The following SEMA3F variants were observed in gnomAD, a reference collection of about 807,000 sequenced individuals.
SEMA3F encodes semaphorin 3F.
A neutral mutation model predicts 98.5 loss-of-function variants in SEMA3F; 30 were observed. The ratio of observed to expected loss-of-function variants is 0.30; its 90% confidence interval spans 0.23 to 0.41. The LOEUF (loss-of-function observed/expected upper bound fraction) is 0.41. SEMA3F is among the 10% of genes least tolerant of loss of function. The pLI is 1.00. For missense variants in SEMA3F, 866 were observed against 1,119.3 expected (o/e 0.77, Z 3.23); for synonymous variants, 380 against 444.8 (o/e 0.85, Z 1.83).
At position 50,156,277 on chromosome 3, in the gene SEMA3F, G is replaced by C. The variant is rs1273083708; in HGVS notation, c.-49+713G>C. On this transcript the variant is annotated intron_variant, in intron 1 of 18. Coordinates refer to ENST00000002829, the MANE Select transcript of SEMA3F (RefSeq NM_004186.5). The surrounding 1 kb of genome is among the most constrained non-coding windows in gnomAD (Gnocchi z 4.5). ...GGCAGGGGACAGCGGGGGCTTGGCGGGGTTGCCCCCAGCAGATGGGACAGG... is the reference window on the plus strand; with the variant it reads ...GGCAGGGGACAGCGGGGGCTTGGCGCGGTTGCCCCCAGCAGATGGGACAGG... 1.3e-5 allele frequency among the ~76,000 whole-genome samples: 2 copies of C among 152,218 alleles called. No individual in the cohort carries two copies. The highest frequency in any genetic ancestry group is 4.8e-5 in the African/African-American group (2 of 41,452).
intron 2 of SEMA3F, 132 bp from the exon 3 acceptor site, chr3:50,173,661 G>A: frequency 1.4e-6 from 1 of 706,314 alleles, no homozygotes; most frequent in Admixed American, 2.9e-5. Flanking sequence ...AAAAAAGAAA[G>A]AAAGAAAAAA....
In SEMA3F at chr3:50,188,112, A is replaced by T. The variant is rs1699305087; in HGVS notation, c.2355A>T (p.Thr785=). ...ACCGCCGGCACCACCCTCCGGACAC[A>T]TGAGGCCAGCTGCCTGTGCCTGCCA... The part of the protein sequence containing the change: ...PRNRRHHPPD[T] Residue 785 remains threonine, a synonymous_variant, in exon 19 of 19, where the codon ACA becomes ACT. Coordinates refer to ENST00000002829, the MANE Select transcript of SEMA3F (RefSeq NM_004186.5). The surrounding 1 kb of genome is among the most constrained non-coding windows in gnomAD (Gnocchi z 4.5). 6.7e-7 allele frequency: 1 copy of T among 1,498,874 alleles called. No homozygotes were observed. Among genetic ancestry groups the T allele is most frequent in the Non-Finnish European group, 8.9e-7 (1 of 1,125,734 alleles). 92.8% of individuals were successfully genotyped at this position (1,498,874 alleles called of 1,614,324 possible).
intron 2 of SEMA3F, among the ~76,000 whole-genome samples, chr3:50,164,552 A>G (rs1261794508): frequency 6.6e-6 from 1 of 151,886 alleles, no homozygotes; most frequent in African/African-American, 2.4e-5. Flanking sequence ...CTCCTGGGAG[A>G]CCTCCATCTC....
rs924553585 is a variant in SEMA3F at position 50,155,516 on chromosome 3, C to T, written c.-97C>T. 4 of 321,354 alleles carry T rather than the reference C, an allele frequency of 1.2e-5. No homozygotes were observed. The highest frequency in any genetic ancestry group is 2.3e-5 in the Non-Finnish European group (4 of 176,636). 19.9% of individuals were successfully genotyped at this position (321,354 alleles called of 1,614,324 possible). On this transcript the variant is annotated 5_prime_UTR_variant, in exon 1 of 19. Transcript: ENST00000002829. This position sits in a 1 kb window ranked among gnomAD's most constrained non-coding sequence, Gnocchi z 4.9. ...CGGACCGGCCCAACGGGAGCCGCTC[C>T]GTGCCGCCGCCGCCGCCCGGGCGCC...
chr3:50,183,034 G>T lies in SEMA3F; in HGVS notation c.1018+16G>T, dbSNP rs1699074526. On this transcript the variant is annotated intron_variant, in intron 10 of 18. Coordinates refer to ENST00000002829, the MANE Select transcript of SEMA3F (RefSeq NM_004186.5). ...GATGAGCTCCGTGAGTGCCCAGCAGGCAGGCAGGGTGCTCTGGCTACAGCA... is the reference window on the plus strand; with the variant it reads ...GATGAGCTCCGTGAGTGCCCAGCAGTCAGGCAGGGTGCTCTGGCTACAGCA... 3 of 1,607,514 alleles carry T rather than the reference G, an allele frequency of 1.9e-6. No individual in the cohort carries two copies. In the East Asian group the frequency reaches 6.7e-5, roughly 36 times the overall value.
chr3:50,174,042 C>A lies in SEMA3F; in HGVS notation c.274-10C>A. On this transcript the variant is annotated splice_polypyrimidine_tract_variant and intron_variant, in intron 3 of 18. Coordinates refer to ENST00000002829, the MANE Select transcript of SEMA3F (RefSeq NM_004186.5). ...CAGAAGGCTGCACCTTCTGACCCCC[C>A]TCTCTGCAGATACACTGGGCAGCCT... 1 of 1,614,100 alleles carries A rather than the reference C, an allele frequency of 6.2e-7. No individual in the cohort carries two copies. Among genetic ancestry groups the A allele is most frequent in the East Asian group, 2.2e-5 (1 of 44,886 alleles).
Position 50,155,479 on chromosome 3 carries a change from G to A in SEMA3F, c.-134G>A, listed in dbSNP as rs1426206098. 2 of 313,614 alleles carry A rather than the reference G, an allele frequency of 6.4e-6. No individual in the cohort carries two copies. Among genetic ancestry groups the A allele is most frequent in the Non-Finnish European group, 1.2e-5 (2 of 172,462 alleles). The allele number at this position is 313,614 out of a possible 1,614,324, so 19.4% of individuals were successfully genotyped here. ...TCGCGGGCAGGGCCATGGCCCCGGG[G>A]GGCCGCTAGCGCGGACCGGCCCAAC... On this transcript the variant is annotated 5_prime_UTR_variant, in exon 1 of 19. Coordinates refer to ENST00000002829, the MANE Select transcript of SEMA3F (RefSeq NM_004186.5). This position sits in a 1 kb window ranked among gnomAD's most constrained non-coding sequence, Gnocchi z 4.9.
intron 2 of SEMA3F, chr3:50,173,565 C>T: frequency 1.8e-6 from 1 of 544,342 alleles, no homozygotes; most frequent in Non-Finnish European, 3.3e-6. Context: ...TCGCTTGAAC[C>T]CAGCAGATGG....
intron 2 of SEMA3F, among the ~76,000 whole-genome samples, chr3:50,163,655 G>C (rs1304749204): frequency 3.3e-5 from 5 of 152,242 alleles, no homozygotes; most frequent in Non-Finnish European, 7.3e-5. Context: ...GGGCTGGAGA[G>C]CTAGAGGACA....
At position 50,182,565 on chromosome 3, in the gene SEMA3F, C is replaced by G; in HGVS notation, c.764-79C>G. 23 of 1,585,420 alleles carry G rather than the reference C, an allele frequency of 1.5e-5. No individual in the cohort carries two copies. The highest frequency in any genetic ancestry group is 2.0e-5 in the Non-Finnish European group (23 of 1,161,582). The stretch of plus-strand genomic sequence containing the variant: ...AGAGGAGTTGGGGGTGTTCTTGCAC[C>G]TGGCTGGGGATTCTGTTGGAGAACA... On this transcript the variant is annotated intron_variant, in intron 8 of 18. Transcript: ENST00000002829. The surrounding 1 kb of genome is among the most constrained non-coding windows in gnomAD (Gnocchi z 4.5).
chr3:50,187,869 T>A lies in SEMA3F; in HGVS notation c.2112T>A (p.Ala704=), dbSNP rs1422708577. The change falls in exon 19 of 19, where the codon GCT becomes GCA. Residue 704 remains alanine, a synonymous_variant. Transcript: ENST00000002829. ...LHVLGRDAVH[A]ALFPPLSMSA... The stretch of plus-strand genomic sequence containing the variant: ...TACTGGGCCGGGACGCCGTCCATGC[T>A]GCCCTCTTCCCACCACTGTCCATGA... The A allele has an allele frequency of 2.5e-6, 4 of 1,613,040 alleles. No individual in the cohort carries two copies. The highest frequency in any genetic ancestry group is 1.1e-5 in the South Asian group (1 of 91,066).
rs2109069749 is a variant in SEMA3F at position 50,166,453 on chromosome 3, G to A, written c.112+6719G>A. On this transcript the variant is annotated intron_variant, in intron 2 of 18. Transcript: ENST00000002829. The surrounding 1 kb of genome is among the most constrained non-coding windows in gnomAD (Gnocchi z 4.7). ...TTGCCATTTTTATCAGCGCCTTCCT[G>A]GCTGGGCCTGGGGCCTGTGCGGAGT... 6.6e-6 allele frequency among the ~76,000 whole-genome samples: 1 copy of A among 152,298 alleles called. No individual in the cohort carries two copies. The highest frequency in any genetic ancestry group is 2.1e-4 in the South Asian group (1 of 4,824).
intron 2 of SEMA3F, among the ~76,000 whole-genome samples, chr3:50,169,191 A>C (rs568686473): frequency 6.6e-6 from 1 of 152,238 alleles, no homozygotes; most frequent in South Asian, 2.1e-4. Flanking sequence ...GGGGCTGCCC[A>C]CTTGGGGTCT....
chr3:50,184,747 T>C lies in SEMA3F; in HGVS notation c.1389T>C (p.Leu463=), dbSNP rs2109120147. 2 of 1,614,142 alleles carry C rather than the reference T, an allele frequency of 1.2e-6. No homozygotes were observed. The highest frequency in any genetic ancestry group is 1.7e-6 in the Non-Finnish European group (2 of 1,180,000). Residue 463 remains leucine, a synonymous_variant, in exon 13 of 19, where the codon CTT becomes CTC. Coordinates refer to ENST00000002829, the MANE Select transcript of SEMA3F (RefSeq NM_004186.5). ...TCCGCACAGGTGCTCCCTACCGCCTTACCACTATTGCCGTGGACCAGGTGG... is the reference window on the plus strand; with the variant it reads ...TCCGCACAGGTGCTCCCTACCGCCTCACCACTATTGCCGTGGACCAGGTGG... ...LVVRTGAPYR[L]TTIAVDQVDA...
At position 50,187,959 on chromosome 3, in the gene SEMA3F, G is replaced by A. The variant is rs1699295812; in HGVS notation, c.2202G>A (p.Leu734=). 1 of 1,608,886 alleles carries A rather than the reference G, an allele frequency of 6.2e-7. No individual in the cohort carries two copies. Among genetic ancestry groups the A allele is most frequent in the South Asian group, 1.1e-5 (1 of 90,618 alleles). The part of the protein sequence containing the change: ...TPPYQELAQL[L]AQPEVGLIHQ... Reference sequence around the variant, plus strand: ...CTTACCAGGAGTTAGCCCAGCTGCTGGCCCAGCCAGAAGTGGGCCTCATCC... The same window carrying A: ...CTTACCAGGAGTTAGCCCAGCTGCTAGCCCAGCCAGAAGTGGGCCTCATCC... The change falls in exon 19 of 19, where the codon CTG becomes CTA. Residue 734 remains leucine (L), a synonymous_variant. Coordinates refer to ENST00000002829, the MANE Select transcript of SEMA3F (RefSeq NM_004186.5).
intron 12 of SEMA3F, among the ~76,000 whole-genome samples, chr3:50,183,799 CT>C (rs1396651600): frequency 6.6e-6 from 1 of 152,174 alleles, no homozygotes; most frequent in Non-Finnish European, 1.5e-5. Flanking sequence ...TCAGAGGGTC[CT>C]CTGTGGGGCT....
chr3:50,183,470 G>A lies in SEMA3F; in HGVS notation c.1139G>A (p.Arg380His), dbSNP rs759559991. 13 of 1,613,946 alleles carry A rather than the reference G, an allele frequency of 8.1e-6. No individual in the cohort carries two copies. The highest frequency in any genetic ancestry group is 3.3e-4 in the Middle Eastern group (2 of 6,082). ...AVCVYSMADI[R>H]MVFNGPFAHK... ...TGTGTCTACTCCATGGCTGATATTC[G>A]CATGGTCTTCAACGGGCCCTTTGCC... The change falls in exon 12 of 19, where the codon CGC becomes CAC. Residue 380 changes from arginine (R) to histidine (H), a missense_variant. Arg to His is a conservative substitution (Grantham distance 29). This residue lies in a region of SEMA3F where 374 missense variants were observed against 582.8 expected (regional missense o/e 0.64). Coordinates refer to ENST00000002829, the MANE Select transcript of SEMA3F (RefSeq NM_004186.5).
intron 2 of SEMA3F, among the ~76,000 whole-genome samples, chr3:50,167,290 G>A (rs915044613): frequency 6.6e-6 from 1 of 152,244 alleles, no homozygotes; most frequent in Non-Finnish European, 1.5e-5. Flanking sequence ...GGGAAGGCAG[G>A]GGTCAGTGGA....
chr3:50,185,808 G>A (rs1699190985), intron 15 of SEMA3F, 81 bp from the exon 16 acceptor site: 2 of 1,606,880 alleles, frequency 1.2e-6, no homozygotes, highest in Admixed American at 1.7e-5. Flanking sequence ...CATGGAACAG[G>A]GGAGAGGAGC....
Sources: allele counts gnomAD v4.1 joint callset (sites outside exome capture counted in the v4.1 genomes callset), GRCh38; gene constraint gnomAD v4.1.1; regional missense constraint gnomAD v4.1.1; non-coding constraint Gnocchi (gnomAD v3.1); transcripts MANE v1.5; gene names NCBI Gene and HGNC (gene_info 2026-07-23, HGNC 2026-07-21).